The following PLCB2 variants were observed in gnomAD, a reference collection of about 807,000 sequenced individuals.
PLCB2 encodes the protein phospholipase C beta 2, also known as 1-phosphatidylinositol 4,5-bisphosphate phosphodiesterase beta-2.
Under a neutral mutation model 141.7 loss-of-function variants are expected in PLCB2, and 115 were observed. That is an observed-to-expected ratio of 0.81 (90% CI 0.70 to 0.95). The LOEUF (loss-of-function observed/expected upper bound fraction) is 0.95. PLCB2 is among the 40% of genes least tolerant of loss of function. The pLI is 0.00. For missense variants in PLCB2, 1,403 were observed against 1,541.1 expected (o/e 0.91, Z 1.50); for synonymous variants, 603 against 595.6 (o/e 1.01, Z -0.18).
intron 16 of PLCB2, among the ~76,000 whole-genome samples, chr15:40,295,566 G>A (rs2040166208): frequency 6.6e-6 from 1 of 152,210 alleles, no homozygotes; most frequent in East Asian, 1.9e-4. Flanking sequence ...AGAGGGTATG[G>A]GGAACATGCC....
chr15:40,305,425 A>G (rs1359661270), intron 1 of PLCB2, among the ~76,000 whole-genome samples: 1 of 151,916 alleles, frequency 6.6e-6, no homozygotes, highest in Admixed American at 6.6e-5. Context: ...TGCCCAGGAG[A>G]CCAAGTGGAC....
chr15:40,299,088 C>G (rs1280642755), intron 8 of PLCB2, 40 bp downstream of exon 8: 1 of 1,571,108 alleles, frequency 6.4e-7, no homozygotes, highest in Admixed American at 1.7e-5. Context: ...TTGTTAGCCA[C>G]CACCCTTTTC....
In PLCB2 at chr15:40,288,749, A is replaced by G; in HGVS notation, c.3524T>C (p.Ile1175Thr). The change falls in exon 32 of 32, where the codon ATA (isoleucine) becomes ACA (threonine). Residue 1175 changes from isoleucine (I) to threonine (T), a missense_variant. By Grantham distance (89) the Ile-to-Thr change is moderately conservative. Transcript: ENST00000260402. ...PPELCEQDPL[I>T]AKADAQESRL ...GCTCTCCTGGGCATCTGCCTTTGCT[A>G]TGAGTGGGTCCTGCTCACACAGCTC... is the stretch of plus-strand genomic sequence containing the variant. 3.1e-6 allele frequency: 5 copies of G among 1,604,882 alleles called. No homozygotes were observed. Among genetic ancestry groups the G allele is most frequent in the Non-Finnish European group, 3.4e-6 (4 of 1,172,604 alleles).
chr15:40,284,836 CAAAAAAAAAAAAAAA>C (rs56397946), downstream of PLCB2, among the ~76,000 whole-genome samples: 7 of 74,886 alleles, frequency 9.3e-5, no homozygotes, highest in African/African-American at 2.7e-4. Flanking sequence ...GAGACTCCGT[CAAAAAAAAAAAAAAA>C]AAAAAAAAAA....
At chr15:40,285,550 C>T (rs967848825), downstream of PLCB2, 12 of 985,370 alleles carry the variant, frequency 1.2e-5, no homozygotes, top group Non-Finnish European at 1.3e-5. Context: ...AAGCTGCTCC[C>T]GCCCCAGAGC....
rs533875496 is a variant in PLCB2 at position 40,288,548 on chromosome 15, T to C, written c.*167A>G. 2.2e-6 allele frequency: 3 copies of C among 1,343,252 alleles called. No individual in the cohort carries two copies. Among genetic ancestry groups the C allele is most frequent in the South Asian group, 2.2e-5 (1 of 45,100 alleles). 83.2% of individuals were successfully genotyped at this position (1,343,252 alleles called of 1,614,324 possible). A position where few individuals can be genotyped will look rare whatever the true frequency, so the allele number is the denominator to read the frequency against. On this transcript the variant is annotated 3_prime_UTR_variant, in exon 32 of 32. Coordinates refer to ENST00000260402, the MANE Select transcript of PLCB2 (RefSeq NM_004573.3). ...CCCTGCCGTGAGGGTGCCTGGGTCCTGTCTCAGACTCTGGCCTGGCCGTTG... is the reference window on the plus strand; with the variant it reads ...CCCTGCCGTGAGGGTGCCTGGGTCCCGTCTCAGACTCTGGCCTGGCCGTTG...
At chr15:40,299,886 A>G (rs1307754560) in intron 7 of PLCB2, among the ~76,000 whole-genome samples, 1 of 152,230 alleles carries the variant, frequency 6.6e-6, no homozygotes, top group Non-Finnish European at 1.5e-5. Flanking sequence ...TTGGACAGGT[A>G]TTTCTCCAAA....
intron 7 of PLCB2, among the ~76,000 whole-genome samples, chr15:40,300,275 A>G (rs2141137307): frequency 6.6e-6 from 1 of 152,374 alleles, no homozygotes; most frequent in African/African-American, 2.4e-5. Context: ...AGATCACGCC[A>G]CTGCACTCCA....
intron 1 of PLCB2, among the ~76,000 whole-genome samples, chr15:40,305,723 G>GA (rs1555395147): frequency 6.6e-6 from 1 of 152,224 alleles, no homozygotes; most frequent in Non-Finnish European, 1.5e-5. Context: ...TCCAGAGAAA[G>GA]AATCAGCTTT....
chr15:40,284,312 A>G, downstream of PLCB2: 1 of 323,166 alleles, frequency 3.1e-6, no homozygotes, highest in Non-Finnish European at 6.1e-6. Context: ...TGTTGCCGGC[A>G]GCGGGTAAGA....
At chr15:40,285,091 T>A (rs1396215183), downstream of PLCB2, among the ~76,000 whole-genome samples, 1 of 152,198 alleles carries the variant, frequency 6.6e-6, no homozygotes, top group Non-Finnish European at 1.5e-5. Flanking sequence ...CCCTGCACCC[T>A]GAACCCCTTG....
chr15:40,303,553 TGCA>T (rs769846992), intron 2 of PLCB2, among the ~76,000 whole-genome samples, 197 bp from the exon 3 acceptor site: 3 of 152,128 alleles, frequency 2.0e-5, no homozygotes, highest in Non-Finnish European at 4.4e-5. Context: ...TCTCTATTCA[TGCA>T]GATCCTCCTC....
Position 40,289,966 on chromosome 15 carries a change from A to AGT in PLCB2, c.3267+58_3267+59insAC, listed in dbSNP as rs1410253935. On this transcript the variant is annotated intron_variant, in intron 30 of 31. Transcript: ENST00000260402. ...GAGAGAGAGAGAGAGAGAGAGAGAG[A>AGT]GAGTGTGTGTGTGTGTGTGTGTGTG... 292 of 563,930 alleles carry AGT rather than the reference A, an allele frequency of 5.2e-4. 1 individual carries two copies. In the African/African-American group the frequency reaches 6.6e-3, roughly 13 times the overall value. 34.9% of individuals were successfully genotyped at this position (563,930 alleles called of 1,614,324 possible).
At chr15:40,302,210 G>A (rs752310815) in intron 5 of PLCB2, 21 bp from the exon 6 acceptor site, 85 of 1,613,510 alleles carry the variant, frequency 5.3e-5, no homozygotes, top group East Asian at 6.7e-5. Context: ...AAAGCAGCCC[G>A]TCAAGGCCCA....
Position 40,298,276 on chromosome 15 carries a change from C to T in PLCB2, c.1102G>A (p.Glu368Lys), listed in dbSNP as rs1595666209. Residue 368 changes from glutamate (E) to lysine (K), a missense_variant, in exon 11 of 32, where the codon GAG (glutamate) becomes AAG (lysine). Glu to Lys is a moderately conservative substitution (Grantham distance 56, BLOSUM62 1). Around this residue, in one of 4 missense-constraint regions of PLCB2, gnomAD observed 975 missense variants for 1,141.1 expected, o/e 0.85. Coordinates refer to ENST00000260402, the MANE Select transcript of PLCB2 (RefSeq NM_004573.3). Reference protein sequence around the residue: ...LDCWKGKPPDEEPIITHGFTM... With the variant: ...LDCWKGKPPDKEPIITHGFTM... ...AAGCCATGGGTGATAATGGGCTCCT[C>T]GTCAGGGGGTTTCCCCTTCCAGCAG... 1.2e-6 allele frequency: 2 copies of T among 1,600,572 alleles called. No individual in the cohort carries two copies. Among genetic ancestry groups the T allele is most frequent in the African/African-American group, 1.3e-5 (1 of 74,504 alleles).
In PLCB2 at chr15:40,294,474, G is replaced by A. The variant is rs534805397; in HGVS notation, c.1907-54C>T. 3,253 of 1,585,258 alleles carry A rather than the reference G, an allele frequency of 2.1e-3. 8 individuals are homozygous for A. Among genetic ancestry groups the A allele is most frequent in the South Asian group, 3.0e-3 (267 of 90,474 alleles). On this transcript the variant is annotated intron_variant, in intron 18 of 31. Transcript: ENST00000260402. The stretch of plus-strand genomic sequence containing the variant: ...AGGCCCAGCCCTGGGGCTGTGCCCA[G>A]TCTCCATTTCCTCCATTCCCAGCCT...
rs774094418 is a variant in PLCB2, at chr15:40,299,139, G to A, written c.672C>T (p.Ile224=). Residue 224 remains isoleucine, a synonymous_variant, in exon 8 of 32, where the codon ATC becomes ATT. Coordinates refer to ENST00000260402, the MANE Select transcript of PLCB2 (RefSeq NM_004573.3). ...SLCPRPEIDE[I]FTSYHAKAKP... is the part of the protein sequence containing the mutation. Reference sequence around the variant, plus strand: ...CCCAAGAAACTCACTAAGAAGTGAAGATCTCATCTATTTCTGGCCGAGGAC... The same window carrying A: ...CCCAAGAAACTCACTAAGAAGTGAAAATCTCATCTATTTCTGGCCGAGGAC... The A allele has an allele frequency of 3.7e-6, 6 of 1,611,192 alleles. No homozygotes were observed. The South Asian group carries it at 6.6e-5, about 18-fold the overall frequency.
At chr15:40,286,704 C>T (rs574970109), downstream of PLCB2, among the ~76,000 whole-genome samples, 3 of 152,350 alleles carry the variant, frequency 2.0e-5, no homozygotes, top group African/African-American at 7.2e-5. Flanking sequence ...CTATACATCC[C>T]CTGCAGCCAG....
chr15:40,286,200 AGGCAGGCAGGG>A (rs1482690867), downstream of PLCB2: 2 of 206,404 alleles, frequency 9.7e-6, no homozygotes, highest in East Asian at 3.7e-4. Flanking sequence ...GATGGAGCCC[AGGCAGGCAGGG>A]GGCAGGCAGG....
Sources: gnomAD v4.1 joint callset for allele counts (sites outside exome capture counted in the v4.1 genomes callset) on GRCh38, gnomAD v4.1.1 for gene constraint, gnomAD v4.1.1 regional missense constraint, MANE v1.5 for transcripts, NCBI Gene and HGNC (gene_info 2026-07-23, HGNC 2026-07-21) for gene names.